The following SLC4A10 variants were observed in gnomAD, a reference collection of about 807,000 sequenced individuals.
SLC4A10 encodes the protein solute carrier family 4 member 10.
Under a neutral mutation model 137.7 loss-of-function variants are expected in SLC4A10, and 42 were observed. The observed-to-expected ratio is 0.30, with a 90% CI of 0.24 to 0.39. SLC4A10 has a LOEUF of 0.39. Among genes scored for constraint, SLC4A10 ranks in the 10% least tolerant of loss-of-function variants. SLC4A10 has a pLI of 1.00. For synonymous variants in SLC4A10, 474 were observed against 464.1 expected (o/e 1.02, Z -0.27); for missense variants, 925 against 1,355.0 (o/e 0.68, Z 4.98).
chr2:161,899,679 G>T (rs140264136), intron 11 of SLC4A10, among the ~76,000 whole-genome samples: 214 of 152,202 alleles, frequency 1.4e-3, no homozygotes, highest in African/African-American at 4.9e-3. Flanking sequence ...AATAATGCTT[G>T]CTTTCTGAGA....
intron 2 of SLC4A10, among the ~76,000 whole-genome samples, chr2:161,774,635 C>G (rs2052088210): frequency 5.9e-5 from 9 of 151,794 alleles, no homozygotes; most frequent in Admixed American, 5.9e-4. Context: ...AGTACATGAC[C>G]CTGTAGTCAA....
At chr2:161,767,129 ATATATATATATG>A (rs1468888651) in intron 1 of SLC4A10, among the ~76,000 whole-genome samples, 12 of 84,510 alleles carry the variant, frequency 1.4e-4, no homozygotes, top group African/African-American at 5.9e-4. Context: ...ATATATATAT[ATATATATATATG>A]TGTGTGTGTG....
intron 24 of SLC4A10, among the ~76,000 whole-genome samples, chr2:161,976,435 A>G (rs1387747854): frequency 6.6e-6 from 1 of 152,174 alleles, no homozygotes; most frequent in Admixed American, 6.5e-5. Flanking sequence ...GTGGAATTAT[A>G]GTTGCCAGGG....
intron 2 of SLC4A10, among the ~76,000 whole-genome samples, chr2:161,784,065 T>C (rs1448067061): frequency 6.6e-6 from 1 of 151,638 alleles, no homozygotes; most frequent in East Asian, 1.9e-4. Context: ...AAAATGTTAA[T>C]GAAAAACGAG....
intron 1 of SLC4A10, among the ~76,000 whole-genome samples, chr2:161,687,499 G>A (rs577592227): frequency 6.6e-6 from 1 of 152,182 alleles, no homozygotes; most frequent in East Asian, 1.9e-4. Flanking sequence ...CATTTTAATT[G>A]ACATAATTAA....
At chr2:161,916,308 T>C (rs1264363702) in intron 15 of SLC4A10, among the ~76,000 whole-genome samples, 1 of 152,120 alleles carries the variant, frequency 6.6e-6, no homozygotes, top group Non-Finnish European at 1.5e-5. Context: ...AAATCATGGA[T>C]TTATTCTTGT....
At chr2:161,689,538 C>T (rs1444020600) in intron 1 of SLC4A10, among the ~76,000 whole-genome samples, 1 of 152,156 alleles carries the variant, frequency 6.6e-6, no homozygotes, top group African/African-American at 2.4e-5. Flanking sequence ...CTATCCCCTC[C>T]AGATTTTAAG....
At chr2:161,916,978 A>G (rs1036096944) in intron 15 of SLC4A10, among the ~76,000 whole-genome samples, 1 of 152,236 alleles carries the variant, frequency 6.6e-6, no homozygotes, top group African/African-American at 2.4e-5. Flanking sequence ...GCAAATAAAT[A>G]CTACCATAAT....
At chr2:161,668,898 T>G (rs1263550873) in intron 1 of SLC4A10, among the ~76,000 whole-genome samples, 2 of 151,942 alleles carry the variant, frequency 1.3e-5, no homozygotes, top group Non-Finnish European at 2.9e-5. Context: ...TATTTCACTA[T>G]GAATGTTCTA....
intron 2 of SLC4A10, among the ~76,000 whole-genome samples, chr2:161,773,934 C>G (rs1353587241): frequency 6.6e-6 from 1 of 151,730 alleles, no homozygotes; most frequent in Non-Finnish European, 1.5e-5. Context: ...TTCTTTCAAT[C>G]TATCTCAGTG....
At chr2:161,838,067 A>G (rs1233054337) in intron 3 of SLC4A10, among the ~76,000 whole-genome samples, 5 of 152,182 alleles carry the variant, frequency 3.3e-5, no homozygotes, top group Admixed American at 3.3e-4. Context: ...CACTCAATCT[A>G]TGGTACTTTG....
chr2:161,810,031 T>C (rs1329961296), intron 3 of SLC4A10, among the ~76,000 whole-genome samples: 2 of 152,140 alleles, frequency 1.3e-5, no homozygotes, highest in East Asian at 1.9e-4. Context: ...TTTACATTTG[T>C]TTGTGTTGTC....
At chr2:161,688,542 A>T (rs1333909050) in intron 1 of SLC4A10, among the ~76,000 whole-genome samples, 1 of 152,212 alleles carries the variant, frequency 6.6e-6, no homozygotes, top group Non-Finnish European at 1.5e-5. Context: ...TTTGTTAGGT[A>T]AAACAATTTC....
In SLC4A10 at chr2:161,855,000, T is replaced by C. The variant is rs1559394569; in HGVS notation, c.447T>C (p.Asp149=). ...TGAAGTTTGAAGAAGATGTGGAAGA[T>C]GGAGGAGAAAGGTGGAGCAAGCCTT... ...RWLKFEEDVE[D]GGERWSKPYV... is the part of the protein sequence containing the mutation. Residue 149 remains aspartate, a synonymous_variant, in exon 5 of 27, where the codon GAT becomes GAC. Coordinates refer to ENST00000446997, the MANE Select transcript of SLC4A10 (RefSeq NM_001178015.2). 5 of 1,612,940 alleles carry C rather than the reference T, an allele frequency of 3.1e-6. No individual in the cohort carries two copies. Among genetic ancestry groups the C allele is most frequent in the African/African-American group, 1.3e-5 (1 of 75,006 alleles).
intron 2 of SLC4A10, among the ~76,000 whole-genome samples, chr2:161,800,472 G>A (rs1488038840): frequency 6.6e-6 from 1 of 151,960 alleles, no homozygotes; most frequent in Non-Finnish European, 1.5e-5. Context: ...AAAGATACCT[G>A]CCTTGCTTGT....
chr2:161,925,652 A>C (rs996318503), intron 15 of SLC4A10, among the ~76,000 whole-genome samples: 2 of 151,964 alleles, frequency 1.3e-5, no homozygotes, highest in Admixed American at 1.3e-4. Flanking sequence ...TTAGGGTGTC[A>C]ATTTTGGATC....
chr2:161,895,482 C>T (rs1297718726), intron 11 of SLC4A10, among the ~76,000 whole-genome samples: 3 of 152,170 alleles, frequency 2.0e-5, no homozygotes, highest in Admixed American at 6.5e-5. Flanking sequence ...CCTGAGGAAT[C>T]GCCACACTGA....
chr2:161,789,434 C>G (rs1224450623), intron 2 of SLC4A10, among the ~76,000 whole-genome samples: 1 of 152,048 alleles, frequency 6.6e-6, no homozygotes. Flanking sequence ...TCTCTTCCCT[C>G]AGCTTTCCAT....
At chr2:161,816,231 A>G (rs2057043472) in intron 3 of SLC4A10, among the ~76,000 whole-genome samples, 1 of 152,174 alleles carries the variant, frequency 6.6e-6, no homozygotes, top group Admixed American at 6.6e-5. Context: ...TTTACGTGGA[A>G]GCATTCCAAA....
Sources: gnomAD v4.1 joint callset for allele counts (sites outside exome capture counted in the v4.1 genomes callset) on GRCh38, gnomAD v4.1.1 for gene constraint, MANE v1.5 for transcripts, NCBI Gene and HGNC (gene_info 2026-07-23, HGNC 2026-07-21) for gene names.